Variants in TSPAN4 observed in about 807,000 individuals in gnomAD.
TSPAN4 encodes the protein tetraspanin 4.
In TSPAN4, 38 loss-of-function variants were observed where a neutral mutation model predicts 31.5. The observed-to-expected ratio is 1.21, with a 90% CI of 0.93 to 1.58. TSPAN4 has a LOEUF of 1.58. Ranked by LOEUF, TSPAN4 falls within the 40% of genes most tolerant of loss-of-function variation. The pLI is 0.00. For missense variants in TSPAN4, 330 were observed against 317.3 expected, an observed-to-expected ratio of 1.04 and a Z score of -0.30; for synonymous variants, 186 against 144.6, an observed-to-expected ratio of 1.29 and a Z score of -2.06.
chr11:860,231 G>A (rs1419707413), intron 3 of TSPAN4, among the ~76,000 whole-genome samples: 1 of 152,214 alleles, frequency 6.6e-6, no homozygotes, highest in Non-Finnish European at 1.5e-5. Context: ...CCAGCAGTGG[G>A]GGGAATCTGC....
intron 6 of TSPAN4, 36 bp downstream of exon 6, chr11:865,650 C>T (rs531313486): frequency 1.3e-5 from 21 of 1,610,682 alleles, no homozygotes; most frequent in African/African-American, 8.0e-5. Flanking sequence ...TCGGCGGGTG[C>T]CCCCTCCCCT....
Position 866,831 on chromosome 11 carries a change from GA to G in TSPAN4, c.*202del. 1.8e-6 allele frequency: 1 copy of G among 563,624 alleles called. No homozygotes were observed. The highest frequency in any genetic ancestry group is 3.1e-6 in the Non-Finnish European group (1 of 325,618). 34.9% of individuals were successfully genotyped at this position (563,624 alleles called of 1,614,324 possible). ...TTCAGGGCCTCCGGACCCCCCCTGG[GA>G]GGGGTGGCCACGTGCTGGCTGCGGA... On this transcript the variant is annotated 3_prime_UTR_variant, in exon 9 of 9. Transcript: ENST00000397397.
intron 4 of TSPAN4, chr11:863,128 C>T: frequency 5.9e-6 from 1 of 169,880 alleles, no homozygotes; most frequent in Non-Finnish European, 1.2e-5. Context: ...TGGCCCCTTC[C>T]CCAGCTTCTT....
Position 862,654 on chromosome 11 carries a change from G to T in TSPAN4, c.168G>T (p.Leu56Phe), listed in dbSNP as rs553840987. 50 of 1,613,326 alleles carry T rather than the reference G, an allele frequency of 3.1e-5. No individual in the cohort carries two copies. In the East Asian group the frequency reaches 1.1e-3, roughly 36 times the overall value. Residue 56 changes from leucine (L) to phenylalanine (F), a missense_variant, in exon 4 of 9, where the codon TTG becomes TTT. Leu to Phe is a conservative substitution (Grantham distance 22). Coordinates refer to ENST00000397397, the MANE Select transcript of TSPAN4 (RefSeq NM_003271.5). The part of the protein sequence containing the change: ...SSFPSLSAAN[L>F]LIITGAFVMA... ...TCCCGTCCCTGTCGGCTGCCAACTT[G>T]CTCATCATCACCGGCGCCTTTGTCA...
In TSPAN4 at chr11:866,859, C is replaced by T. The variant is rs549282990; in HGVS notation, c.*229C>T. The T allele has an allele frequency of 7.7e-5, 40 of 519,222 alleles. No homozygotes were observed. In the South Asian group the frequency reaches 1.0e-3, roughly 13 times the overall value. The allele number at this position is 519,222 out of a possible 1,614,324, so 32.2% of individuals were successfully genotyped here. A position where few individuals can be genotyped will look rare whatever the true frequency, so the allele number is the denominator to read the frequency against. ...GGGTGGCCACGTGCTGGCTGCGGAA[C>T]CCAGGGCAGGGGTGGGAGGGGCCTC... On this transcript the variant is annotated 3_prime_UTR_variant, in exon 9 of 9. Coordinates refer to ENST00000397397, the MANE Select transcript of TSPAN4 (RefSeq NM_003271.5).
At chr11:843,178 C>G (rs1462590874) in intron 1 of TSPAN4, 1 of 152,206 alleles carries the variant, frequency 6.6e-6, no homozygotes, top group Non-Finnish European at 1.5e-5. Context: ...CCGGGGCTCT[C>G]GGCGCTGAGT....
chr11:851,182 C>T (rs1232398695), intron 3 of TSPAN4, among the ~76,000 whole-genome samples: 1 of 152,208 alleles, frequency 6.6e-6, no homozygotes, highest in Non-Finnish European at 1.5e-5. Context: ...CCTCATGGAG[C>T]CGCGACCCTG....
At chr11:865,159 G>A in intron 5 of TSPAN4, 1 of 249,622 alleles carries the variant, frequency 4.0e-6, no homozygotes. Flanking sequence ...TGAATATTGG[G>A]GACCGAGGCC....
chr11:855,301 C>T (rs932308391), intron 3 of TSPAN4, among the ~76,000 whole-genome samples: 8 of 152,174 alleles, frequency 5.3e-5, no homozygotes, highest in Admixed American at 5.2e-4. Flanking sequence ...CGGGAGTGAG[C>T]GTGGGGGACC....
intron 3 of TSPAN4, among the ~76,000 whole-genome samples, chr11:861,768 A>T (rs1302466500): frequency 6.6e-6 from 1 of 151,542 alleles, no homozygotes; most frequent in Admixed American, 6.6e-5. Flanking sequence ...AAATACAAAA[A>T]ATTAACCGGG....
At chr11:853,650 G>A (rs1298670195) in intron 3 of TSPAN4, among the ~76,000 whole-genome samples, 2 of 152,182 alleles carry the variant, frequency 1.3e-5, no homozygotes, top group African/African-American at 4.8e-5. Context: ...TCCTGGCCTG[G>A]TGGTGGGGGA....
At chr11:851,817 C>CGGCAGGCA (rs761306313) in intron 3 of TSPAN4, among the ~76,000 whole-genome samples, 5 of 151,710 alleles carry the variant, frequency 3.3e-5, no homozygotes, top group Admixed American at 6.6e-5. Flanking sequence ...TGTGGGGGCC[C>CGGCAGGCA]GGCAGGCAGG....
chr11:860,736 C>T (rs747968760), intron 3 of TSPAN4, among the ~76,000 whole-genome samples: 1 of 152,164 alleles, frequency 6.6e-6, no homozygotes, highest in Non-Finnish European at 1.5e-5. Flanking sequence ...CCCCGGGAAC[C>T]CCCAGAGCCT....
At chr11:845,529 G>T (rs574538560) in intron 1 of TSPAN4, among the ~76,000 whole-genome samples, 1 of 152,288 alleles carries the variant, frequency 6.6e-6, no homozygotes, top group Non-Finnish European at 1.5e-5. Context: ...CCATGCAGCT[G>T]CCCAGGCCTG....
In TSPAN4 at chr11:865,908, C is replaced by A. The variant is rs201110521; in HGVS notation, c.565-10C>A. 17 of 1,613,140 alleles carry A rather than the reference C, an allele frequency of 1.1e-5. No individual in the cohort carries two copies. The South Asian group carries it at 1.9e-4, about 18-fold the overall frequency. Reference sequence around the variant, plus strand: ...CCCTGCCGTGACACGCATGACATCCCTCCCTGCAGCCGTGCTACGAGACGG... The same window carrying A: ...CCCTGCCGTGACACGCATGACATCCATCCCTGCAGCCGTGCTACGAGACGG... On this transcript the variant is annotated splice_polypyrimidine_tract_variant and intron_variant, in intron 7 of 8. Transcript: ENST00000397397.
chr11:856,156 C>T lies in TSPAN4; in HGVS notation c.63+5789C>T, dbSNP rs143566934. ...CATGGGCCTCAGCAGCACCTGCACA[C>T]GCCCAGCGCTGGGGGACGGCCCCCC... On this transcript the variant is annotated intron_variant, in intron 3 of 8. Transcript: ENST00000397397. 3.9e-5 allele frequency among the ~76,000 whole-genome samples: 6 copies of T among 152,192 alleles called. No individual in the cohort carries two copies. In the South Asian group the frequency reaches 8.3e-4, roughly 21 times the overall value.
rs1016696125 is a variant in TSPAN4, at chr11:848,397, CT to C, written c.-18+1098del. ...CAGCCTCCTGTTCTCTGGGGGCCCC[CT>C]GTCCCCTTCCCCCAGCGAGGACCTG... On this transcript the variant is annotated intron_variant, in intron 2 of 8. Coordinates refer to ENST00000397397, the MANE Select transcript of TSPAN4 (RefSeq NM_003271.5). This position sits in a 1 kb window ranked among gnomAD's most constrained non-coding sequence, Gnocchi z 5.7. Among the ~76,000 whole-genome samples, 8 of 152,076 alleles carry C rather than the reference CT, an allele frequency of 5.3e-5. No homozygotes were observed. Among genetic ancestry groups the C allele is most frequent in the Non-Finnish European group, 1.0e-4 (7 of 67,964 alleles).
chr11:862,459 C>T (rs1366350524), intron 3 of TSPAN4, 91 bp from the exon 4 acceptor site: 2 of 1,261,086 alleles, frequency 1.6e-6, no homozygotes, highest in African/African-American at 1.5e-5. Flanking sequence ...GGCGGCATGG[C>T]TTTGGGCTTG....
rs116177080 is a variant in TSPAN4, at chr11:856,890, G to A, written c.64-5660G>A. The stretch of plus-strand genomic sequence containing the variant: ...ATGCAGAAACACTTTCAAAATTGCA[G>A]GTAATTTTATTAACCACGTGCACGC... On this transcript the variant is annotated intron_variant, in intron 3 of 8. Coordinates refer to ENST00000397397, the MANE Select transcript of TSPAN4 (RefSeq NM_003271.5). 298 of 152,398 alleles carry A rather than the reference G, an allele frequency of 2.0e-3. 5 individuals are homozygous for A. Among genetic ancestry groups the A allele is most frequent in the African/African-American group, 6.9e-3 (286 of 41,598 alleles). 9.4% of individuals were successfully genotyped at this position (152,398 alleles called of 1,614,324 possible). A position where few individuals can be genotyped will look rare whatever the true frequency, so the allele number is the denominator to read the frequency against.
Sources: allele counts gnomAD v4.1 joint callset (sites outside exome capture counted in the v4.1 genomes callset), GRCh38; gene constraint gnomAD v4.1.1; non-coding constraint Gnocchi (gnomAD v3.1); transcripts MANE v1.5; gene names NCBI Gene and HGNC (gene_info 2026-07-23, HGNC 2026-07-21).